The following OXCT1 variants were observed in gnomAD, a reference collection of about 807,000 sequenced individuals.
OXCT1 encodes 3-oxoacid CoA-transferase 1.
OXCT1 carries 27 observed loss-of-function variants against 69.6 expected under a neutral mutation model. That is an observed-to-expected ratio of 0.39 (90% CI 0.29 to 0.54). OXCT1 has a LOEUF of 0.54. OXCT1 is among the 20% of genes least tolerant of loss of function. The pLI, the probability that OXCT1 is intolerant of heterozygous loss-of-function variation, is 0.72. For synonymous variants in OXCT1, 202 were observed against 217.8 expected, an observed-to-expected ratio of 0.93 and a Z score of 0.64; for missense variants, 437 against 650.2, an observed-to-expected ratio of 0.67 and a Z score of 3.57.
At chr5:41,738,745 T>C (rs1257938269) in intron 16 of OXCT1, among the ~76,000 whole-genome samples, 1 of 152,234 alleles carries the variant, frequency 6.6e-6, no homozygotes, top group African/African-American at 2.4e-5. Context: ...TAAGCACTTA[T>C]ATTAAAGAGC....
intron 11 of OXCT1, among the ~76,000 whole-genome samples, chr5:41,797,306 A>T (rs914287164): frequency 1.3e-5 from 2 of 152,230 alleles, no homozygotes; most frequent in African/African-American, 4.8e-5. Context: ...CCTAGAAAAC[A>T]ACTCTCTTGA....
chr5:41,791,470 AC>A (rs1354820664), intron 13 of OXCT1, among the ~76,000 whole-genome samples: 11 of 152,214 alleles, frequency 7.2e-5, no homozygotes, highest in African/African-American at 2.2e-4. Flanking sequence ...AGGAATCTTA[AC>A]AGGATATGTA....
intron 3 of OXCT1, chr5:41,853,779 G>T (rs976170812): frequency 1.3e-5 from 8 of 614,092 alleles, no homozygotes; most frequent in African/African-American, 1.1e-4. Flanking sequence ...TTATTTTTTT[G>T]TGGGAGCGGG....
chr5:41,819,034 G>A (rs974768869), intron 7 of OXCT1, among the ~76,000 whole-genome samples: 1 of 151,994 alleles, frequency 6.6e-6, no homozygotes, highest in Non-Finnish European at 1.5e-5. Flanking sequence ...ATTTGAAGTT[G>A]GAAAAAATAC....
chr5:41,743,071 C>T (rs1358201297), intron 15 of OXCT1, among the ~76,000 whole-genome samples: 1 of 152,160 alleles, frequency 6.6e-6, no homozygotes. Flanking sequence ...TCCACAATGG[C>T]TGAACTAGTT....
chr5:41,847,236 G>A lies in OXCT1; in HGVS notation c.564+2794C>T, dbSNP rs1358896891. 4.0e-5 allele frequency among the ~76,000 whole-genome samples: 6 copies of A among 150,576 alleles called. No individual in the cohort carries two copies. The East Asian group carries it at 1.2e-3, about 30-fold the overall frequency. On this transcript the variant is annotated intron_variant, in intron 5 of 16. Coordinates refer to ENST00000196371, the MANE Select transcript of OXCT1 (RefSeq NM_000436.4). ...TCTCCCAAGACTAAACCAGGAAGAA[G>A]TTGAATCTCTGAATAGACCAATAAC...
intron 7 of OXCT1, among the ~76,000 whole-genome samples, chr5:41,827,720 T>C (rs1420855018): frequency 6.6e-6 from 1 of 152,204 alleles, no homozygotes; most frequent in Non-Finnish European, 1.5e-5. Context: ...GTAAACTTCC[T>C]GATTTGAGGC....
At chr5:41,735,128 A>C (rs1460877274) in intron 16 of OXCT1, among the ~76,000 whole-genome samples, 1 of 152,242 alleles carries the variant, frequency 6.6e-6, no homozygotes, top group Non-Finnish European at 1.5e-5. Flanking sequence ...AGAATGTCAA[A>C]GAGATATTTG....
intron 14 of OXCT1, among the ~76,000 whole-genome samples, chr5:41,754,002 A>T (rs1376027973): frequency 1.3e-5 from 2 of 152,110 alleles, no homozygotes; most frequent in Non-Finnish European, 2.9e-5. Flanking sequence ...TGATAAAAGG[A>T]AGCAGCAAAG....
chr5:41,733,514 T>A (rs1742742985), intron 16 of OXCT1, among the ~76,000 whole-genome samples: 1 of 152,228 alleles, frequency 6.6e-6, no homozygotes, highest in Non-Finnish European at 1.5e-5. Flanking sequence ...CCCAAAGTGC[T>A]GGGATTACAG....
chr5:41,837,677 A>G (rs1748437912), intron 7 of OXCT1, among the ~76,000 whole-genome samples: 1 of 152,128 alleles, frequency 6.6e-6, no homozygotes, highest in Admixed American at 6.5e-5. Context: ...ATAGTTAGCA[A>G]TGAAATGGAC....
intron 16 of OXCT1, among the ~76,000 whole-genome samples, chr5:41,737,551 T>C (rs1742948287): frequency 1.3e-5 from 2 of 152,020 alleles, no homozygotes; most frequent in Non-Finnish European, 1.5e-5. Flanking sequence ...CTCACTGGAG[T>C]GAGAAATCCT....
At chr5:41,760,309 T>G (rs1428197252) in intron 14 of OXCT1, among the ~76,000 whole-genome samples, 1 of 152,150 alleles carries the variant, frequency 6.6e-6, no homozygotes, top group African/African-American at 2.4e-5. Flanking sequence ...TTTTATTGGT[T>G]TGTTGAAATG....
chr5:41,863,981 A>G (rs1403834867), intron 1 of OXCT1, among the ~76,000 whole-genome samples: 1 of 152,190 alleles, frequency 6.6e-6, no homozygotes, highest in South Asian at 2.1e-4. Flanking sequence ...TATGGGGCTT[A>G]AGGTTTATGG....
chr5:41,848,488 C>A (rs1417311471), intron 5 of OXCT1, among the ~76,000 whole-genome samples: 1 of 145,254 alleles, frequency 6.9e-6, no homozygotes, highest in Non-Finnish European at 1.5e-5. Context: ...CAATCCTAAG[C>A]CAAAAGAACA....
At chr5:41,805,908 G>A (rs1746655934) in intron 8 of OXCT1, among the ~76,000 whole-genome samples, 1 of 152,002 alleles carries the variant, frequency 6.6e-6, no homozygotes, top group East Asian at 1.9e-4. Flanking sequence ...AGGAAGATAC[G>A]CTGTTCAGTC....
At chr5:41,853,358 C>A in intron 4 of OXCT1, 61 bp downstream of exon 4, 1 of 1,490,618 alleles carries the variant, frequency 6.7e-7, no homozygotes, top group Non-Finnish European at 9.3e-7. Context: ...GAAATTTCCA[C>A]GGAGAAAAAA....
At chr5:41,776,460 G>GT (rs1745126206) in intron 13 of OXCT1, among the ~76,000 whole-genome samples, 2 of 152,110 alleles carry the variant, frequency 1.3e-5, no homozygotes, top group South Asian at 2.1e-4. Context: ...CTGTTCCTGT[G>GT]TTTTTTTGTT....
chr5:41,768,741 C>T (rs1469566643), intron 13 of OXCT1, among the ~76,000 whole-genome samples: 2 of 152,198 alleles, frequency 1.3e-5, no homozygotes, highest in Non-Finnish European at 2.9e-5. Context: ...TACTGGTCAA[C>T]ATGTGTCCAG....
Sources: allele counts gnomAD v4.1 joint callset (sites outside exome capture counted in the v4.1 genomes callset), GRCh38; gene constraint gnomAD v4.1.1; transcripts MANE v1.5; gene names NCBI Gene and HGNC (gene_info 2026-07-23, HGNC 2026-07-21).